DDR1: variants seen among roughly 807,000 people sequenced by gnomAD.
DDR1 encodes epithelial discoidin domain-containing receptor 1.
In DDR1, 64 loss-of-function variants were observed where a neutral mutation model predicts 97.4. That is an observed-to-expected ratio of 0.66 (90% CI 0.54 to 0.81). The LOEUF is 0.81. DDR1 is among the 30% of genes least tolerant of loss of function. DDR1 has a pLI of 0.00. For missense variants in DDR1, 990 were observed against 1,259.6 expected, an observed-to-expected ratio of 0.79 and a Z score of 3.24; for synonymous variants, 458 against 503.7, an observed-to-expected ratio of 0.91 and a Z score of 1.21.
chr6:30,892,251 C>T (rs1407005009), intron 7 of DDR1, 45 bp from the exon 8 acceptor site: 1 of 1,602,398 alleles, frequency 6.2e-7, no homozygotes, highest in Admixed American at 1.7e-5. Flanking sequence ...GGGGTGCCCC[C>T]ACCACTCCTA....
In DDR1 at chr6:30,900,101, G is replaced by A. The variant is rs1198969721; in HGVS notation, c.*805G>A. 1 of 596,054 alleles carries A rather than the reference G, an allele frequency of 1.7e-6. No individual in the cohort carries two copies. The highest frequency in any genetic ancestry group is 3.3e-6 in the Non-Finnish European group (1 of 307,532). 36.9% of individuals were successfully genotyped at this position (596,054 alleles called of 1,614,324 possible). ...ACACTAATATATGGACCTAGCTTGA[G>A]GCAATTTTAATCCCCTGCACTAGGC... On this transcript the variant is annotated 3_prime_UTR_variant, in exon 18 of 18. Coordinates refer to ENST00000376568, the MANE Select transcript of DDR1 (RefSeq NM_001297654.2).
rs371080270 is a variant in DDR1, at chr6:30,891,390, G to C, written c.576G>C (p.Leu192=). Residue 192 remains leucine (L), a synonymous_variant, in exon 6 of 18, where the codon CTG becomes CTC. Coordinates refer to ENST00000376568, the MANE Select transcript of DDR1 (RefSeq NM_001297654.2). This position sits in a 1 kb window ranked among gnomAD's most constrained non-coding sequence, Gnocchi z 5.3. ...LYGCLWRDGL[L]SYTAPVGQTM... ...CTCACCCTGCCCCAGATGGACTCCT[G>C]TCTTACACCGCCCCTGTGGGGCAGA... 1 of 1,612,648 alleles carries C rather than the reference G, an allele frequency of 6.2e-7. No individual in the cohort carries two copies. The highest frequency in any genetic ancestry group is 8.5e-7 in the Non-Finnish European group (1 of 1,179,790).
At chr6:30,885,847 G>A (rs1310081932) in intron 1 of DDR1, 2 of 1,286,348 alleles carry the variant, frequency 1.6e-6, no homozygotes, top group Admixed American at 4.6e-5. Context: ...TGTGTGTACA[G>A]AGCTGTGTGG....
chr6:30,894,377 GT>G lies in DDR1; in HGVS notation c.1348-128del. The G allele has an allele frequency of 1.2e-6, 1 of 802,882 alleles. No homozygotes were observed. The highest frequency in any genetic ancestry group is 1.8e-6 in the Non-Finnish European group (1 of 543,126). The allele number at this position is 802,882 out of a possible 1,614,324, so 49.7% of individuals were successfully genotyped here. A position where few individuals can be genotyped will look rare whatever the true frequency, so the allele number is the denominator to read the frequency against. On this transcript the variant is annotated intron_variant, in intron 10 of 17. Coordinates refer to ENST00000376568, the MANE Select transcript of DDR1 (RefSeq NM_001297654.2). This position sits in a 1 kb window ranked among gnomAD's most constrained non-coding sequence, Gnocchi z 5.7. Reference sequence around the variant, plus strand: ...CTTCACTTTCTCTGCCTGTAAGATGGTGCTGATAGTATCCACAGCTGTAGGG... The same window carrying G: ...CTTCACTTTCTCTGCCTGTAAGATGGGCTGATAGTATCCACAGCTGTAGGG...
rs1786958163 is a variant in DDR1 at position 30,889,032 on chromosome 6, C to G, written c.188+22C>G. On this transcript the variant is annotated intron_variant, in intron 3 of 17. Coordinates refer to ENST00000376568, the MANE Select transcript of DDR1 (RefSeq NM_001297654.2). The surrounding 1 kb of genome is among the most constrained non-coding windows in gnomAD (Gnocchi z 4.9). Reference sequence around the variant, plus strand: ...GCAGGTACTTGGCACACCTGGCACACTTGTAGCTGCCCCGAGAGGAGCTCC... The same window carrying G: ...GCAGGTACTTGGCACACCTGGCACAGTTGTAGCTGCCCCGAGAGGAGCTCC... 1 of 1,611,404 alleles carries G rather than the reference C, an allele frequency of 6.2e-7. No individual in the cohort carries two copies. Among genetic ancestry groups the G allele is most frequent in the African/African-American group, 1.3e-5 (1 of 74,900 alleles).
intron 8 of DDR1, 143 bp downstream of exon 8, chr6:30,892,685 A>C: frequency 4.3e-6 from 5 of 1,158,726 alleles, no homozygotes; most frequent in Non-Finnish European, 5.9e-6. Context: ...GGGTGCCCCA[A>C]ATAACTTGAG....
chr6:30,892,579 A>G (rs1283416591), intron 8 of DDR1, 37 bp downstream of exon 8: 1 of 1,526,760 alleles, frequency 6.5e-7, no homozygotes, highest in Non-Finnish European at 8.8e-7. Context: ...AGTCCCTGAA[A>G]TTGACAACTG....
Position 30,892,113 on chromosome 6 carries a change from C to A in DDR1, c.777C>A (p.Ser259Arg), listed in dbSNP as rs112508523. The stretch of plus-strand genomic sequence containing the variant: ...CAGGCTATGACTATGTGGGATGGAG[C>A]AACCACAGCTTCTCCAGTGGCTATG... Reference protein sequence around the residue: ...VWPGYDYVGWSNHSFSSGYVE... With the variant: ...VWPGYDYVGWRNHSFSSGYVE... Residue 259 changes from serine to arginine, a missense_variant, in exon 7 of 18, where the codon AGC (serine) becomes AGA (arginine). Physicochemically the swap from Ser to Arg is moderately radical, Grantham distance 110 (BLOSUM62 -1). Transcript: ENST00000376568. The A allele has an allele frequency of 6.2e-7, 1 of 1,614,200 alleles. No homozygotes were observed. Among genetic ancestry groups the A allele is most frequent in the Admixed American group, 1.7e-5 (1 of 60,026 alleles).
rs1335013933 is a variant in DDR1 at position 30,897,593 on chromosome 6, A to T, written c.2212A>T (p.Ile738Phe). Residue 738 changes from isoleucine (I) to phenylalanine (F), a missense_variant, in exon 15 of 18, where the codon ATC becomes TTC. Ile to Phe is a conservative substitution (Grantham distance 21). Transcript: ENST00000376568. The surrounding 1 kb of genome is among the most constrained non-coding windows in gnomAD (Gnocchi z 5.2). The part of the protein sequence containing the change: ...GDGQAAQGPT[I>F]SYPMLLHVAA... ...CGGGCAGGCTGCGCAGGGGCCCACC[A>T]TCAGGTACCTGCTTACCCAGGCTGG... The T allele has an allele frequency of 6.2e-7, 1 of 1,609,160 alleles. No individual in the cohort carries two copies. The highest frequency in any genetic ancestry group is 8.5e-7 in the Non-Finnish European group (1 of 1,178,898).
rs2150472880 is a variant in DDR1, at chr6:30,898,872, C to T, written c.2452-16C>T. On this transcript the variant is annotated splice_polypyrimidine_tract_variant and intron_variant, in intron 16 of 17. Coordinates refer to ENST00000376568, the MANE Select transcript of DDR1 (RefSeq NM_001297654.2). ...TGATGTCCCTGTCTGTTTTTGCTGC[C>T]TTCTCTGCATCCCAGGGGAAGTTCA... The T allele has an allele frequency of 6.3e-7, 1 of 1,598,108 alleles. No individual in the cohort carries two copies. The highest frequency in any genetic ancestry group is 1.7e-5 in the Admixed American group (1 of 58,742).
Position 30,899,360 on chromosome 6 carries a change from A to G in DDR1, c.*64A>G, listed in dbSNP as rs989843024. On this transcript the variant is annotated 3_prime_UTR_variant, in exon 18 of 18. Coordinates refer to ENST00000376568, the MANE Select transcript of DDR1 (RefSeq NM_001297654.2). The stretch of plus-strand genomic sequence containing the variant: ...AGGGGAAGCCAGTGACACTAAAACA[A>G]GAGGACACAATGGCACCTCTGCCCT... The G allele has an allele frequency of 6.4e-7, 1 of 1,550,504 alleles. No homozygotes were observed. Among genetic ancestry groups the G allele is most frequent in the African/African-American group, 1.4e-5 (1 of 73,386 alleles).
rs1790423715 is a variant in DDR1, at chr6:30,895,510, C to T, written c.1620C>T (p.Thr540=). The T allele has an allele frequency of 6.3e-7, 1 of 1,585,930 alleles. No homozygotes were observed. The highest frequency in any genetic ancestry group is 8.6e-7 in the Non-Finnish European group (1 of 1,167,930). ...PTPAWAKPTN[T]QAYSGDYMEP... ...CCGCCTGGGCCAAACCCACCAACAC[C>T]CAGGGTAAGCCCCTCTGCCCCTGGG... is the stretch of plus-strand genomic sequence containing the variant. Residue 540 remains threonine (T), a synonymous_variant, in exon 12 of 18, where the codon ACC becomes ACT. Coordinates refer to ENST00000376568, the MANE Select transcript of DDR1 (RefSeq NM_001297654.2).
chr6:30,883,786 TGA>T (rs1192492701), upstream of DDR1: 3 of 152,506 alleles, frequency 2.0e-5, no homozygotes, highest in Non-Finnish European at 2.9e-5. This position sits in a 1 kb window ranked among gnomAD's most constrained non-coding sequence, Gnocchi z 4.9. Context: ...AGAGAGGAAC[TGA>T]GAGGAGAAGG....
intron 8 of DDR1, 27 bp from the exon 9 acceptor site, chr6:30,893,041 T>C (rs1167404784): frequency 4.4e-6 from 7 of 1,593,808 alleles, no homozygotes; most frequent in Non-Finnish European, 6.0e-6. Flanking sequence ...TTTACCTCCC[T>C]CCTTTCTTTT....
In DDR1 at chr6:30,892,173, C is replaced by T. The variant is rs1418714642; in HGVS notation, c.837C>T (p.Ala279=). The change falls in exon 7 of 18, where the codon GCC becomes GCT. Residue 279 remains alanine (A), a synonymous_variant. Transcript: ENST00000376568. ...AGTTTGAGTTTGACCGGCTGAGGGC[C>T]TTCCAGGCTATGCAGGTGAGTGAGT... is the stretch of plus-strand genomic sequence containing the variant. ...EMEFEFDRLR[A]FQAMQVHCNN... is the part of the protein sequence containing the mutation. The T allele has an allele frequency of 6.2e-7, 1 of 1,614,176 alleles. No homozygotes were observed. Among genetic ancestry groups the T allele is most frequent in the Non-Finnish European group, 8.5e-7 (1 of 1,180,002 alleles).
At chr6:30,885,249 G>A (rs1233296285) in intron 1 of DDR1, 5 of 1,532,516 alleles carry the variant, frequency 3.3e-6, no homozygotes, top group Non-Finnish European at 4.4e-6. Context: ...CCAGCTTCAG[G>A]GTCCCACCCC....
chr6:30,887,515 C>G (rs973654937), intron 1 of DDR1, among the ~76,000 whole-genome samples: 1 of 152,090 alleles, frequency 6.6e-6, no homozygotes, highest in East Asian at 1.9e-4. Context: ...CTTGTTTATT[C>G]TATTTTCAAA....
chr6:30,892,831 C>A (rs1424610435), intron 8 of DDR1: 1 of 585,612 alleles, frequency 1.7e-6, no homozygotes, highest in African/African-American at 1.9e-5. Context: ...GAAATAGCCT[C>A]TTCTCTAAGC....
rs542978078 is a variant in DDR1 at position 30,884,956 on chromosome 6, C to T, written c.-43+246C>T. ...CCAGAAAGAGTTTTGAGCCTCCAGC[C>T]TTGAGGCAAGTCCCCTCTCACTCAG... On this transcript the variant is annotated intron_variant, in intron 1 of 17. Coordinates refer to ENST00000376568, the MANE Select transcript of DDR1 (RefSeq NM_001297654.2). This position sits in a 1 kb window ranked among gnomAD's most constrained non-coding sequence, Gnocchi z 6.1. 4.1e-5 allele frequency: 19 copies of T among 468,130 alleles called. No individual in the cohort carries two copies. The highest frequency in any genetic ancestry group is 5.4e-5 in the Non-Finnish European group (14 of 260,352). 29.0% of individuals were successfully genotyped at this position (468,130 alleles called of 1,614,324 possible).
Sources: allele counts gnomAD v4.1 joint callset (sites outside exome capture counted in the v4.1 genomes callset), GRCh38; gene constraint gnomAD v4.1.1; non-coding constraint Gnocchi (gnomAD v3.1); transcripts MANE v1.5; gene names NCBI Gene and HGNC (gene_info 2026-07-23, HGNC 2026-07-21).